Variants in EMC8 observed in about 807,000 individuals in gnomAD.
EMC8 encodes ER membrane protein complex subunit 8, also known as COX4 neighbor.
A neutral mutation model predicts 24.3 loss-of-function variants in EMC8; 11 were observed. The observed-to-expected ratio is 0.45, with a 90% confidence interval of 0.28 to 0.75. The LOEUF (loss-of-function observed/expected upper bound fraction) is 0.75, where lower values mean the gene tolerates loss of function less well. EMC8 is among the 30% of genes least tolerant of loss of function. The pLI is 0.12. For synonymous variants in EMC8, 145 were observed against 117.7 expected (o/e 1.23, Z -1.50); for missense variants, 277 against 282.7 (o/e 0.98, Z 0.14).
In EMC8 at chr16:85,780,428, G is replaced by C; in HGVS notation, c.424C>G (p.His142Asp). Residue 142 changes from histidine (H) to aspartate (D), a missense_variant, in exon 4 of 5, where the codon CAC (histidine) becomes GAC (aspartate). Physicochemically the swap from His to Asp is moderately conservative, Grantham distance 81. Transcript: ENST00000253457. ...CTGTTCTCATGGTGCTCGTACACGT[G>C]GATCGTAGGCGCTACGCAGTCCATC... ...FTMDCVAPTIHVYEHHENRWR... is the reference protein window; with the variant it reads ...FTMDCVAPTIDVYEHHENRWR... The C allele has an allele frequency of 6.2e-7, 1 of 1,614,216 alleles. No homozygotes were observed. Among genetic ancestry groups the C allele is most frequent in the Non-Finnish European group, 8.5e-7 (1 of 1,180,016 alleles).
At chr16:85,782,258 G>C (rs1189220776) in intron 2 of EMC8, among the ~76,000 whole-genome samples, 3 of 152,242 alleles carry the variant, frequency 2.0e-5, no homozygotes, top group African/African-American at 7.2e-5. Context: ...CACCCTCTGA[G>C]AAATTCCTCA....
At chr16:85,785,388 G>A (rs539217088) in intron 2 of EMC8, among the ~76,000 whole-genome samples, 128 of 152,178 alleles carry the variant, frequency 8.4e-4, no homozygotes, top group African/African-American at 2.9e-3. Flanking sequence ...TGGCCAACAC[G>A]GTGAAACCCC....
chr16:85,785,258 A>G (rs914233259), intron 2 of EMC8, among the ~76,000 whole-genome samples: 6 of 152,136 alleles, frequency 3.9e-5, no homozygotes, highest in African/African-American at 7.2e-5. Context: ...AAAATTTATT[A>G]TTTTAAAAGA....
In EMC8 at chr16:85,784,610, G is replaced by A. The variant is rs532754790; in HGVS notation, c.309-3330C>T. On this transcript the variant is annotated intron_variant, in intron 2 of 4. Transcript: ENST00000253457. The stretch of plus-strand genomic sequence containing the variant: ...ATCGTACTGAAGAAAGCAGTGCGAT[G>A]GTGGCTCCTAGCGCAGAGGGAAGGC... The A allele has an allele frequency of 1.2e-4, 19 of 152,180 alleles. No homozygotes were observed. In the Middle Eastern group the frequency reaches 0.014, roughly 109 times the overall value. The allele number at this position is 152,180 out of a possible 1,614,324, so 9.4% of individuals were successfully genotyped here.
Position 85,781,240 on chromosome 16 carries a change from C to T in EMC8, c.349G>A (p.Glu117Lys), listed in dbSNP as rs763964625. Reference sequence around the variant, plus strand: ...ATGAGCGCAGTGTCGCTGAAGCCCTCGGCGATTCTGGAGGCCACCTTCTCT... The same window carrying T: ...ATGAGCGCAGTGTCGCTGAAGCCCTTGGCGATTCTGGAGGCCACCTTCTCT... The part of the protein sequence containing the change: ...VAEKVASRIA[E>K]GFSDTALIMV... Residue 117 changes from glutamate (E) to lysine (K), a missense_variant, in exon 3 of 5, where the codon GAG becomes AAG. Glu to Lys is a moderately conservative substitution (Grantham distance 56, BLOSUM62 1). Transcript: ENST00000253457. 7 of 1,613,880 alleles carry T rather than the reference C, an allele frequency of 4.3e-6. No individual in the cohort carries two copies. The highest frequency in any genetic ancestry group is 2.7e-5 in the African/African-American group (2 of 75,000).
At chr16:85,789,992 T>C (rs1335970524) in intron 1 of EMC8, among the ~76,000 whole-genome samples, 1 of 152,116 alleles carries the variant, frequency 6.6e-6, no homozygotes, top group African/African-American at 2.4e-5. Context: ...GGGTTTCTTT[T>C]ATGGTACCAT....
chr16:85,795,499 T>A (rs1260274040), intron 1 of EMC8, among the ~76,000 whole-genome samples: 3 of 152,022 alleles, frequency 2.0e-5, no homozygotes. Context: ...TCTCCTGCCC[T>A]CCTTCCACTC....
intron 2 of EMC8, 61 bp from the exon 3 acceptor site, chr16:85,781,341 C>A: frequency 9.7e-7 from 1 of 1,034,352 alleles, no homozygotes; most frequent in Non-Finnish European, 1.5e-6. Flanking sequence ...TTACAAAAGG[C>A]ACAGTCAACA....
Position 85,791,543 on chromosome 16 carries a change from C to T in EMC8, c.232-2493G>A, listed in dbSNP as rs560078213. On this transcript the variant is annotated intron_variant, in intron 1 of 4. Coordinates refer to ENST00000253457, the MANE Select transcript of EMC8 (RefSeq NM_006067.5). ...TCCATGTGTTCTCACTATTCAACTCCCACTTATGACAACATGCGGTGTTTG... is the reference window on the plus strand; with the variant it reads ...TCCATGTGTTCTCACTATTCAACTCTCACTTATGACAACATGCGGTGTTTG... Among the ~76,000 whole-genome samples the T allele has an allele frequency of 2.0e-5, 3 of 152,278 alleles. No individual in the cohort carries two copies. In the South Asian group the frequency reaches 6.2e-4, roughly 32 times the overall value.
chr16:85,780,264 G>T, intron 4 of EMC8, 115 bp downstream of exon 4: 2 of 750,362 alleles, frequency 2.7e-6, no homozygotes, highest in Non-Finnish European at 4.6e-6. Context: ...GAATATGCTT[G>T]GTATCATGCT....
intron 2 of EMC8, among the ~76,000 whole-genome samples, chr16:85,785,582 C>T (rs1567828526): frequency 6.9e-6 from 1 of 145,706 alleles, no homozygotes; most frequent in East Asian, 1.9e-4. Flanking sequence ...CTGCCACCGC[C>T]CCGCCAAAAA....
chr16:85,794,076 C>T (rs905647289), intron 1 of EMC8, among the ~76,000 whole-genome samples: 1 of 152,150 alleles, frequency 6.6e-6, no homozygotes, highest in African/African-American at 2.4e-5. Flanking sequence ...CTGAATGGAA[C>T]AGAGCCATGA....
chr16:85,782,186 C>G (rs1904537734), intron 2 of EMC8, among the ~76,000 whole-genome samples: 1 of 152,242 alleles, frequency 6.6e-6, no homozygotes. Context: ...CATCTGCACG[C>G]TAGCAAAGCA....
intron 1 of EMC8, among the ~76,000 whole-genome samples, chr16:85,796,712 A>G (rs1905254560): frequency 6.6e-6 from 1 of 152,026 alleles, no homozygotes; most frequent in Non-Finnish European, 1.5e-5. Context: ...CTCTTTGCAC[A>G]TGCTGGTCCC....
At chr16:85,783,718 G>A (rs11860152) in intron 2 of EMC8, among the ~76,000 whole-genome samples, 11,527 of 152,134 alleles carry the variant, frequency 0.076, 599 homozygotes, top group East Asian at 0.31. Context: ...TCACATGCCC[G>A]TCTTGTTTCA....
chr16:85,784,220 G>C (rs957282921), intron 2 of EMC8, among the ~76,000 whole-genome samples: 1 of 152,110 alleles, frequency 6.6e-6, no homozygotes, highest in Non-Finnish European at 1.5e-5. Flanking sequence ...GGATGGTCTC[G>C]ATCTCCTGAC....
At chr16:85,792,801 C>G (rs913884486) in intron 1 of EMC8, 1 of 152,238 alleles carries the variant, frequency 6.6e-6, no homozygotes, top group Non-Finnish European at 1.5e-5. Context: ...AGACAAGGCA[C>G]AGCCGAGAAG....
chr16:85,782,295 T>C (rs1270337235), intron 2 of EMC8, among the ~76,000 whole-genome samples: 1 of 152,244 alleles, frequency 6.6e-6, no homozygotes, highest in African/African-American at 2.4e-5. Flanking sequence ...TCCACGCTCA[T>C]GAGCCTCCAC....
chr16:85,782,236 C>CTGGCAGTCCGTCACCCTCTGAGA (rs749362953), intron 2 of EMC8, among the ~76,000 whole-genome samples: 51 of 152,224 alleles, frequency 3.4e-4, no homozygotes, highest in Non-Finnish European at 6.8e-4. Flanking sequence ...CTCAGGGCAG[C>CTGGCAGTCCGTCACCCTCTGAGA]TGGCAGTCCG....
Sources: gnomAD v4.1 joint callset for allele counts (sites outside exome capture counted in the v4.1 genomes callset) on GRCh38, gnomAD v4.1.1 for gene constraint, MANE v1.5 for transcripts, NCBI Gene and HGNC (gene_info 2026-07-23, HGNC 2026-07-21) for gene names.